Variants in DNMBP observed in about 807,000 individuals in gnomAD.
DNMBP encodes dynamin-binding protein.
Under a neutral mutation model 150.0 loss-of-function variants are expected in DNMBP, and 87 were observed. The observed-to-expected ratio is 0.58, with a 90% CI of 0.49 to 0.69. The LOEUF is 0.69. DNMBP is among the 30% of genes least tolerant of loss of function. The pLI, the probability that DNMBP is intolerant of heterozygous loss-of-function variation, is 0.00. For missense variants in DNMBP, 1,774 were observed against 1,949.0 expected (o/e 0.91, Z 1.69); for synonymous variants, 711 against 750.4 (o/e 0.95, Z 0.86).
chr10:99,911,623 C>A (rs745528537), intron 4 of DNMBP, among the ~76,000 whole-genome samples: 6 of 152,026 alleles, frequency 3.9e-5, no homozygotes, highest in Non-Finnish European at 7.4e-5. Flanking sequence ...ATAAAAACAG[C>A]AAAATGTTAA....
intron 15 of DNMBP, among the ~76,000 whole-genome samples, 182 bp downstream of exon 15, chr10:99,883,829 A>G (rs1021374060): frequency 6.6e-6 from 1 of 152,034 alleles, no homozygotes; most frequent in African/African-American, 2.4e-5. Flanking sequence ...AAACAAAAAG[A>G]GGTTTTGTTT....
intron 4 of DNMBP, among the ~76,000 whole-genome samples, chr10:99,935,834 G>A (rs1486957101): frequency 1.3e-5 from 2 of 152,088 alleles, no homozygotes; most frequent in Admixed American, 1.3e-4. Flanking sequence ...CGAAGTGCTG[G>A]GATTGCAGGC....
At chr10:99,986,335 C>A (rs1156653015) in intron 1 of DNMBP, among the ~76,000 whole-genome samples, 1 of 151,726 alleles carries the variant, frequency 6.6e-6, no homozygotes, top group African/African-American at 2.4e-5. Flanking sequence ...CATAGTGAGA[C>A]CCCATCTCTG....
At chr10:99,980,692 C>G (rs2040773217) in intron 1 of DNMBP, among the ~76,000 whole-genome samples, 1 of 151,774 alleles carries the variant, frequency 6.6e-6, no homozygotes, top group Non-Finnish European at 1.5e-5. Context: ...ATAGTCTCAG[C>G]TATTCAGGAA....
chr10:99,894,837 A>G (rs2039627263), intron 11 of DNMBP, 109 bp downstream of exon 11: 1 of 781,876 alleles, frequency 1.3e-6, no homozygotes, highest in African/African-American at 1.7e-5. Context: ...GCATAATAGT[A>G]ATTTGAGTCC....
At chr10:100,008,654 TCAAGTTAA>T (rs1177910816) in intron 1 of DNMBP, among the ~76,000 whole-genome samples, 1 of 152,234 alleles carries the variant, frequency 6.6e-6, no homozygotes, top group Non-Finnish European at 1.5e-5. Context: ...GTGACGTGTT[TCAAGTTAA>T]CATGTAAAAT....
At position 99,955,770 on chromosome 10, in the gene DNMBP, T is replaced by C; in HGVS notation, c.1704A>G (p.Thr568=). 1 of 1,614,262 alleles carries C rather than the reference T, an allele frequency of 6.2e-7. No homozygotes were observed. Among genetic ancestry groups the C allele is most frequent in the Non-Finnish European group, 8.5e-7 (1 of 1,180,042 alleles). Residue 568 remains threonine (T), a synonymous_variant, in exon 4 of 17, where the codon ACA becomes ACG. Transcript: ENST00000324109. ...EFEKSLAGPG[T]EPDKILRHFS... ...AGTGGCGTAAAATTTTATCTGGCTC[T>C]GTGCCGGGCCCTGCCAAGCTCTTCT... is the stretch of plus-strand genomic sequence containing the variant.
intron 3 of DNMBP, among the ~76,000 whole-genome samples, chr10:99,958,541 G>T (rs1388048737): frequency 2.0e-5 from 3 of 152,184 alleles, no homozygotes; most frequent in African/African-American, 4.8e-5. Flanking sequence ...AAACATCAAG[G>T]AGAACAAATG....
chr10:99,875,696 G>A lies in DNMBP; in HGVS notation c.*1455C>T, dbSNP rs1231520558. On this transcript the variant is annotated 3_prime_UTR_variant, in exon 17 of 17. Coordinates refer to ENST00000324109, the MANE Select transcript of DNMBP (RefSeq NM_015221.4). ...CTTCTGACCACGACCAGCAGACACT[G>A]TGGATGTTAGGACTCCACGGTGTCT... 5.3e-5 allele frequency: 8 copies of A among 152,174 alleles called. No individual in the cohort carries two copies. The highest frequency in any genetic ancestry group is 1.3e-4 in the Admixed American group (2 of 15,286). 9.4% of individuals were successfully genotyped at this position (152,174 alleles called of 1,614,324 possible).
At chr10:99,980,308 G>A (rs912642140) in intron 1 of DNMBP, among the ~76,000 whole-genome samples, 3 of 152,040 alleles carry the variant, frequency 2.0e-5, no homozygotes. Context: ...TTAGCCAAGT[G>A]TGGTGATGCA....
chr10:99,909,231 C>G, intron 4 of DNMBP, 85 bp from the exon 5 acceptor site: 1 of 1,042,636 alleles, frequency 9.6e-7, no homozygotes, highest in South Asian at 1.6e-5. Context: ...AACCCATTTC[C>G]TGAGAACCAA....
intron 1 of DNMBP, among the ~76,000 whole-genome samples, chr10:99,976,273 A>G (rs1036824695): frequency 7.9e-5 from 12 of 152,184 alleles, no homozygotes; most frequent in Admixed American, 5.2e-4. Context: ...CAACATGTCA[A>G]AACCTGGTTA....
chr10:99,917,867 G>T (rs1424208274), intron 4 of DNMBP, among the ~76,000 whole-genome samples: 1 of 151,538 alleles, frequency 6.6e-6, no homozygotes, highest in Non-Finnish European at 1.5e-5. Flanking sequence ...TACTCAGGAG[G>T]CTGAGGCAGG....
At chr10:99,960,990 A>T (rs899166712) in intron 3 of DNMBP, among the ~76,000 whole-genome samples, 1 of 151,954 alleles carries the variant, frequency 6.6e-6, no homozygotes, top group South Asian at 2.1e-4. Context: ...AAAATAAAAT[A>T]AAATAAATAA....
At chr10:99,881,736 C>T (rs1017798968) in intron 15 of DNMBP, among the ~76,000 whole-genome samples, 4 of 152,202 alleles carry the variant, frequency 2.6e-5, no homozygotes, top group Non-Finnish European at 4.4e-5. Flanking sequence ...CCCTAACAGG[C>T]TCCATCCTCT....
In DNMBP at chr10:99,956,145, G is replaced by T. The variant is rs751724292; in HGVS notation, c.1329C>A (p.Tyr443Ter). Residue 443 changes from tyrosine to a stop codon, truncating the protein, a stop_gained, in exon 4 of 17, where the codon TAC (tyrosine) becomes TAA (stop). Transcript: ENST00000324109. LOFTEE classifies it high-confidence loss of function. Reference protein sequence around the residue: ...VGGSHPHSEQYPDLLPLEART... With the variant: ...VGGSHPHSEQ ...TTGCTTCTAGGGGAAGAAGGTCGGGGTACTGTTCTGAGTGCGGGTGGCTCC... is the reference window on the plus strand; with the variant it reads ...TTGCTTCTAGGGGAAGAAGGTCGGGTTACTGTTCTGAGTGCGGGTGGCTCC... 6.2e-7 allele frequency: 1 copy of T among 1,614,136 alleles called. No homozygotes were observed. Among genetic ancestry groups the T allele is most frequent in the Non-Finnish European group, 8.5e-7 (1 of 1,180,028 alleles).
chr10:99,982,858 G>C (rs888388771), intron 1 of DNMBP, among the ~76,000 whole-genome samples: 1 of 151,910 alleles, frequency 6.6e-6, no homozygotes, highest in Non-Finnish European at 1.5e-5. Context: ...GCGGGGGTAT[G>C]GGGGAGCAGC....
rs756760584 is a variant in DNMBP, at chr10:99,972,007, G to A, written c.118C>T (p.Leu40Phe). Residue 40 changes from leucine to phenylalanine, a missense_variant, in exon 2 of 17, where the codon CTT becomes TTT. This residue lies in a region of DNMBP where 344 missense variants were observed against 456.6 expected (regional missense o/e 0.75). Coordinates refer to ENST00000324109, the MANE Select transcript of DNMBP (RefSeq NM_015221.4). ...GTAACATCCTCCTTCTTTCCTAGAA[G>A]CCAAAATTCATCCACCACTGCCAGC... The part of the protein sequence containing the change: ...EVLAVVDEFW[L>F]LGKKEDVTGQ... 9 of 1,613,694 alleles carry A rather than the reference G, an allele frequency of 5.6e-6. No individual in the cohort carries two copies. The highest frequency in any genetic ancestry group is 5.0e-5 in the Admixed American group (3 of 59,930).
Position 99,884,193 on chromosome 10 carries a change from T to C in DNMBP, c.3815A>G (p.Gln1272Arg), listed in dbSNP as rs200569120. ...PLLGLPSYML[Q>R]SEELRASLLA... ...GAGGGAGGCCCGGAGTTCTTCTGAC[T>C]GTAGCATGTAACTTGGCTGAAAGGT... is the stretch of plus-strand genomic sequence containing the variant. Residue 1272 changes from glutamine to arginine, a missense_variant, in exon 15 of 17, where the codon CAG (glutamine) becomes CGG (arginine). Gln to Arg is a conservative substitution (Grantham distance 43). Transcript: ENST00000324109. The C allele has an allele frequency of 3.1e-6, 5 of 1,613,124 alleles. No homozygotes were observed. The highest frequency in any genetic ancestry group is 1.3e-5 in the African/African-American group (1 of 74,896).
Sources: allele counts gnomAD v4.1 joint callset (sites outside exome capture counted in the v4.1 genomes callset), GRCh38; gene constraint gnomAD v4.1.1; regional missense constraint gnomAD v4.1.1; transcripts MANE v1.5; gene names NCBI Gene and HGNC (gene_info 2026-07-23, HGNC 2026-07-21).